The following MAGI2 variants were observed in gnomAD, a reference collection of about 807,000 sequenced individuals.
MAGI2 encodes membrane-associated guanylate kinase, WW and PDZ domain-containing protein 2.
Under a neutral mutation model 133.3 loss-of-function variants are expected in MAGI2, and 35 were observed. That is an observed-to-expected ratio of 0.26 (90% CI 0.20 to 0.35). MAGI2 has a LOEUF of 0.35. MAGI2 is among the 10% of genes least tolerant of loss of function. The pLI is 1.00. For synonymous variants in MAGI2, 729 were observed against 710.6 expected, an observed-to-expected ratio of 1.03 and a Z score of -0.41; for missense variants, 1,636 against 1,863.4, an observed-to-expected ratio of 0.88 and a Z score of 2.25.
intron 20 of MAGI2, among the ~76,000 whole-genome samples, chr7:78,080,612 T>C (rs555198465): frequency 1.1e-4 from 16 of 152,266 alleles, no homozygotes; most frequent in Middle Eastern, 3.4e-3. Flanking sequence ...AAGTTACATA[T>C]AGAAAAAGTG....
At chr7:79,013,377 T>C (rs528739577) in intron 1 of MAGI2, among the ~76,000 whole-genome samples, 2 of 152,276 alleles carry the variant, frequency 1.3e-5, no homozygotes, top group East Asian at 3.9e-4. Context: ...AGCAAAGCAG[T>C]CTGTGAGGAA....
At chr7:78,079,583 C>G (rs1017521617) in intron 20 of MAGI2, among the ~76,000 whole-genome samples, 20 of 152,112 alleles carry the variant, frequency 1.3e-4, no homozygotes, top group Non-Finnish European at 1.0e-4. Context: ...TTAAATTTCC[C>G]TGGGTGCTGT....
intron 3 of MAGI2, among the ~76,000 whole-genome samples, chr7:78,550,745 T>A (rs1223759887): frequency 6.9e-6 from 1 of 144,618 alleles, no homozygotes; most frequent in African/African-American, 2.4e-5. Flanking sequence ...GTGTTGAGCA[T>A]CCTCTGAACA....
chr7:78,109,636 CA>C (rs963193052), intron 20 of MAGI2, among the ~76,000 whole-genome samples: 50 of 152,160 alleles, frequency 3.3e-4, no homozygotes, highest in African/African-American at 1.1e-3. Flanking sequence ...CGTCTCAAAA[CA>C]AAACAAAACA....
chr7:78,571,688 C>T (rs1383270224), intron 3 of MAGI2, among the ~76,000 whole-genome samples: 1 of 149,960 alleles, frequency 6.7e-6, no homozygotes, highest in African/African-American at 2.5e-5. Context: ...GAAATAACAG[C>T]AATAATAAAG....
intron 3 of MAGI2, among the ~76,000 whole-genome samples, chr7:78,571,364 A>G (rs543848977): frequency 6.6e-6 from 1 of 152,326 alleles, no homozygotes; most frequent in South Asian, 2.1e-4. Context: ...TGGAATGAAT[A>G]TTGGATTTCA....
rs75257985 is a variant in MAGI2 at position 79,132,448 on chromosome 7, C to T, written c.302-125242G>A. On this transcript the variant is annotated intron_variant, in intron 1 of 21. Coordinates refer to ENST00000354212, the MANE Select transcript of MAGI2 (RefSeq NM_012301.4). ...TAGAATAATGGCCTCCAGATCCATC[C>T]AAGATGCTGCAATAGACATTATTTC... Among the ~76,000 whole-genome samples, 30 of 152,160 alleles carry T rather than the reference C, an allele frequency of 2.0e-4. No homozygotes were observed. The East Asian group carries it at 4.8e-3, about 24-fold the overall frequency.
intron 1 of MAGI2, among the ~76,000 whole-genome samples, chr7:79,438,281 C>T (rs886758427): frequency 3.3e-5 from 5 of 152,090 alleles, no homozygotes; most frequent in African/African-American, 1.2e-4. Context: ...TTAATACCAA[C>T]TGGAGCAAAA....
chr7:79,376,266 G>A (rs1248750590), intron 1 of MAGI2, among the ~76,000 whole-genome samples: 3 of 151,776 alleles, frequency 2.0e-5, no homozygotes. Context: ...GGCAAAGTAG[G>A]AGATCAATAA....
At chr7:78,247,452 G>A (rs1376495488) in intron 10 of MAGI2, among the ~76,000 whole-genome samples, 1 of 152,016 alleles carries the variant, frequency 6.6e-6, no homozygotes, top group Non-Finnish European at 1.5e-5. Flanking sequence ...TCCAGAAAAA[G>A]GGAAATTTAT....
chr7:78,582,606 G>C (rs1439082149), intron 3 of MAGI2, among the ~76,000 whole-genome samples: 1 of 152,210 alleles, frequency 6.6e-6, no homozygotes, highest in South Asian at 2.1e-4. Flanking sequence ...TCTGATGCCT[G>C]AATGAACACT....
intron 6 of MAGI2, among the ~76,000 whole-genome samples, chr7:78,377,273 C>T (rs1326488664): frequency 6.6e-6 from 1 of 152,004 alleles, no homozygotes; most frequent in Non-Finnish European, 1.5e-5. Flanking sequence ...TGTGAATGCT[C>T]CAATCCAGTG....
rs548090881 is a variant in MAGI2 at position 79,108,531 on chromosome 7, C to A, written c.302-101325G>T. 5.9e-5 allele frequency among the ~76,000 whole-genome samples: 9 copies of A among 152,244 alleles called. No homozygotes were observed. In the East Asian group the frequency reaches 7.7e-4, roughly 13 times the overall value. On this transcript the variant is annotated intron_variant, in intron 1 of 21. Transcript: ENST00000354212. The stretch of plus-strand genomic sequence containing the variant: ...TGCCAGTTTGATTTTTTTCTCAATC[C>A]TGATTGTGATTAATACATACTATCA...
intron 1 of MAGI2, among the ~76,000 whole-genome samples, chr7:79,377,778 G>A (rs1429005415): frequency 6.6e-6 from 1 of 151,750 alleles, no homozygotes; most frequent in Non-Finnish European, 1.5e-5. Flanking sequence ...TACAACAAAA[G>A]TAGGAGATAA....
intron 1 of MAGI2, among the ~76,000 whole-genome samples, chr7:79,376,259 A>G (rs1843374320): frequency 6.6e-6 from 1 of 151,926 alleles, no homozygotes; most frequent in Non-Finnish European, 1.5e-5. Context: ...TAAATTAGGC[A>G]AAGTAGGAGA....
At chr7:79,059,794 T>C (rs891658787) in intron 1 of MAGI2, among the ~76,000 whole-genome samples, 19 of 152,134 alleles carry the variant, frequency 1.2e-4, no homozygotes, top group Non-Finnish European at 5.9e-5. Context: ...GAAAGAAAAG[T>C]CACTGATCCT....
At chr7:78,104,315 T>C (rs181239818) in intron 20 of MAGI2, among the ~76,000 whole-genome samples, 5,931 of 151,956 alleles carry the variant, frequency 0.039, 131 homozygotes, top group East Asian at 0.065. Flanking sequence ...CTCCGCCTCC[T>C]GGGTTCGCGC....
chr7:78,248,825 A>C (rs1184083865), intron 10 of MAGI2, among the ~76,000 whole-genome samples: 2 of 152,098 alleles, frequency 1.3e-5, no homozygotes, highest in Non-Finnish European at 2.9e-5. Flanking sequence ...GGTTTTTTGG[A>C]TATGCCTCAA....
At chr7:78,677,239 T>C (rs933560147) in intron 2 of MAGI2, among the ~76,000 whole-genome samples, 1 of 151,884 alleles carries the variant, frequency 6.6e-6, no homozygotes, top group Non-Finnish European at 1.5e-5. Context: ...AATTTATCAA[T>C]TGTGTTGATC....
Sources: allele counts gnomAD v4.1 joint callset (sites outside exome capture counted in the v4.1 genomes callset), GRCh38; gene constraint gnomAD v4.1.1; transcripts MANE v1.5; gene names NCBI Gene and HGNC (gene_info 2026-07-23, HGNC 2026-07-21).